ZMAT4: variants seen among roughly 807,000 people sequenced by gnomAD.
ZMAT4 encodes zinc finger matrin-type 4.
In ZMAT4, 17 loss-of-function variants were observed where a neutral mutation model predicts 28.7. The observed-to-expected ratio is 0.59, with a 90% CI of 0.41 to 0.89. The LOEUF (loss-of-function observed/expected upper bound fraction) is 0.89, where lower values mean the gene tolerates loss of function less well. Ranked by LOEUF, ZMAT4 falls within the 40% of genes least tolerant of loss-of-function variation. The probability of loss-of-function intolerance (pLI) is 0.00; values close to 1 mark genes in which losing one functional copy is unlikely to be tolerated. For synonymous variants in ZMAT4, 117 were observed against 109.2 expected, an observed-to-expected ratio of 1.07 and a Z score of -0.44; for missense variants, 240 against 283.8, an observed-to-expected ratio of 0.85 and a Z score of 1.11.
At chr8:40,548,826 G>T (rs1392815659) in intron 6 of ZMAT4, among the ~76,000 whole-genome samples, 1 of 152,136 alleles carries the variant, frequency 6.6e-6, no homozygotes, top group Non-Finnish European at 1.5e-5. Flanking sequence ...GGAATCTTGT[G>T]ATCTTGTAGG....
chr8:40,710,425 C>T (rs1362347915), intron 3 of ZMAT4, among the ~76,000 whole-genome samples: 1 of 152,048 alleles, frequency 6.6e-6, no homozygotes, highest in African/African-American at 2.4e-5. Flanking sequence ...AGTATCAAAC[C>T]CTGTAATTGT....
intron 1 of ZMAT4, among the ~76,000 whole-genome samples, chr8:40,893,898 T>C (rs966271812): frequency 6.6e-6 from 1 of 152,182 alleles, no homozygotes; most frequent in African/African-American, 2.4e-5. Flanking sequence ...CTCCCACTTA[T>C]AAGTGAGAAC....
intron 1 of ZMAT4, among the ~76,000 whole-genome samples, chr8:40,836,205 C>T (rs1816483526): frequency 6.6e-6 from 1 of 152,052 alleles, no homozygotes; most frequent in South Asian, 2.1e-4. Flanking sequence ...GGAAATTAAC[C>T]ATAGAAAGGT....
rs1403254224 is a variant in ZMAT4 at position 40,612,431 on chromosome 8, A to G, written c.578-31170T>C. On this transcript the variant is annotated intron_variant, in intron 5 of 6. Coordinates refer to ENST00000297737, the MANE Select transcript of ZMAT4 (RefSeq NM_024645.3). ...CTGGCAACCCATCCAAATTTCCTTT[A>G]TGGACCCTGGCTTCCCATGCACACA... is the stretch of plus-strand genomic sequence containing the variant. Among the ~76,000 whole-genome samples the G allele has an allele frequency of 1.5e-5, 2 of 137,916 alleles. 1 individual carries two copies. The highest frequency in any genetic ancestry group is 3.4e-5 in the Non-Finnish European group (2 of 59,364). The allele number at this position is 137,916 out of a possible 152,430, so 90.5% of individuals were successfully genotyped here. A position where few individuals can be genotyped will look rare whatever the true frequency, so the allele number is the denominator to read the frequency against.
At chr8:40,807,868 G>T (rs1427706660) in intron 2 of ZMAT4, among the ~76,000 whole-genome samples, 1 of 152,144 alleles carries the variant, frequency 6.6e-6, no homozygotes, top group Non-Finnish European at 1.5e-5. Context: ...AAGACATTTA[G>T]GTTCTTAAAA....
intron 2 of ZMAT4, 117 bp downstream of exon 2, chr8:40,825,458 G>T (rs1469677992): frequency 2.5e-6 from 2 of 813,410 alleles, no homozygotes; most frequent in Non-Finnish European, 3.9e-6. Flanking sequence ...ACAGGCTCAA[G>T]TCCTGTGGTT....
At chr8:40,790,372 C>A (rs1286042371) in intron 2 of ZMAT4, among the ~76,000 whole-genome samples, 1 of 152,116 alleles carries the variant, frequency 6.6e-6, no homozygotes, top group South Asian at 2.1e-4. Context: ...AGATTGATAT[C>A]TAAAACCAAT....
intron 3 of ZMAT4, among the ~76,000 whole-genome samples, chr8:40,703,013 C>CTATATATA (rs142988150): frequency 6.8e-6 from 1 of 146,784 alleles, no homozygotes; most frequent in African/African-American, 2.5e-5. Context: ...AAGAAATTTA[C>CTATATATA]TATATATATA....
chr8:40,789,857 A>G (rs956106682), intron 2 of ZMAT4, among the ~76,000 whole-genome samples: 1 of 152,220 alleles, frequency 6.6e-6, no homozygotes, highest in Non-Finnish European at 1.5e-5. Flanking sequence ...TCCTGTAGCA[A>G]TCAGCACAGA....
chr8:40,629,935 C>T (rs2118721126), intron 5 of ZMAT4, among the ~76,000 whole-genome samples: 1 of 152,224 alleles, frequency 6.6e-6, no homozygotes, highest in African/African-American at 2.4e-5. Flanking sequence ...AATGGGATGG[C>T]TGGGTCAAAT....
At chr8:40,660,264 T>C (rs1403777884) in intron 5 of ZMAT4, among the ~76,000 whole-genome samples, 1 of 152,186 alleles carries the variant, frequency 6.6e-6, no homozygotes, top group East Asian at 1.9e-4. Flanking sequence ...CCAGCTGCAA[T>C]ATTTGTAAAG....
chr8:40,853,861 T>C (rs1342475415), intron 1 of ZMAT4, among the ~76,000 whole-genome samples: 3 of 152,212 alleles, frequency 2.0e-5, no homozygotes, highest in African/African-American at 7.2e-5. Context: ...GTCTGTATGA[T>C]GCTATAAAGG....
intron 6 of ZMAT4, among the ~76,000 whole-genome samples, chr8:40,553,083 T>A (rs1378007620): frequency 6.6e-6 from 1 of 152,138 alleles, no homozygotes; most frequent in Admixed American, 6.5e-5. Flanking sequence ...GGTCATAAAA[T>A]GAACTGTGTC....
At chr8:40,894,359 G>A (rs1045935917) in intron 1 of ZMAT4, among the ~76,000 whole-genome samples, 5 of 152,188 alleles carry the variant, frequency 3.3e-5, no homozygotes. Context: ...ATGTCCCCTG[G>A]TTAACTGTTT....
At chr8:40,786,576 A>T in intron 2 of ZMAT4, 2 of 704,778 alleles carry the variant, frequency 2.8e-6, no homozygotes, top group Non-Finnish European at 4.0e-6. Flanking sequence ...TACCAAAACA[A>T]AGAACAGCCA....
intron 3 of ZMAT4, among the ~76,000 whole-genome samples, chr8:40,718,207 G>C (rs1810935336): frequency 6.6e-6 from 1 of 152,168 alleles, no homozygotes; most frequent in Non-Finnish European, 1.5e-5. Context: ...CTTCATAACT[G>C]GTAGCAATTC....
intron 1 of ZMAT4, among the ~76,000 whole-genome samples, chr8:40,886,728 A>G (rs1294734175): frequency 6.6e-6 from 1 of 151,316 alleles, no homozygotes; most frequent in East Asian, 1.9e-4. Context: ...ACAACTCCCC[A>G]CTCTGCTCCC....
At chr8:40,820,860 T>C (rs961140464) in intron 2 of ZMAT4, among the ~76,000 whole-genome samples, 8 of 135,964 alleles carry the variant, frequency 5.9e-5, no homozygotes, top group African/African-American at 2.0e-4. Context: ...TTTATGTGTG[T>C]TTGTGTGTTT....
At chr8:40,654,919 T>C (rs903508711) in intron 5 of ZMAT4, among the ~76,000 whole-genome samples, 9 of 152,128 alleles carry the variant, frequency 5.9e-5, no homozygotes, top group Non-Finnish European at 1.3e-4. Flanking sequence ...GCCACTTCTA[T>C]TCAAGATTGT....
Sources: allele counts gnomAD v4.1 joint callset (sites outside exome capture counted in the v4.1 genomes callset), GRCh38; gene constraint gnomAD v4.1.1; transcripts MANE v1.5; gene names NCBI Gene and HGNC (gene_info 2026-07-23, HGNC 2026-07-21).